Variants in JAM3 observed in about 807,000 individuals in gnomAD.
JAM3 encodes junctional adhesion molecule 3, also known as junctional adhesion molecule C.
Under a neutral mutation model 39.4 loss-of-function variants are expected in JAM3, and 31 were observed. The ratio of observed to expected loss-of-function variants is 0.79; its 90% confidence interval spans 0.59 to 1.06. The LOEUF (loss-of-function observed/expected upper bound fraction) is 1.06, where lower values mean the gene tolerates loss of function less well. Among genes scored for constraint, JAM3 ranks in the 50% least tolerant of loss-of-function variants. JAM3 has a pLI of 0.00. For missense variants in JAM3, 455 were observed against 391.4 expected, an observed-to-expected ratio of 1.16 and a Z score of -1.37; for synonymous variants, 182 against 148.7, an observed-to-expected ratio of 1.22 and a Z score of -1.63.
In JAM3 at chr11:134,149,627, A is replaced by G. The variant is rs1226413980; in HGVS notation, c.*446A>G. ...AGCGCATCCCGGCGGGAACCCAGAA[A>G]AGGCTTCTTACACAGCAGCCTTACT... On this transcript the variant is annotated 3_prime_UTR_variant, in exon 9 of 9. Transcript: ENST00000299106. 2 of 460,896 alleles carry G rather than the reference A, an allele frequency of 4.3e-6. No homozygotes were observed. The highest frequency in any genetic ancestry group is 1.4e-4 in the East Asian group (2 of 14,666). The allele number at this position is 460,896 out of a possible 1,614,324, so 28.6% of individuals were successfully genotyped here. A position where few individuals can be genotyped will look rare whatever the true frequency, so the allele number is the denominator to read the frequency against.
chr11:134,116,282 T>A (rs149720895), intron 1 of JAM3, among the ~76,000 whole-genome samples: 1 of 152,370 alleles, frequency 6.6e-6, no homozygotes, highest in African/African-American at 2.4e-5. Flanking sequence ...CATTAGTGGA[T>A]GTTCCCTATA....
chr11:134,111,584 C>A (rs965299034), intron 1 of JAM3, among the ~76,000 whole-genome samples: 1 of 152,122 alleles, frequency 6.6e-6, no homozygotes, highest in African/African-American at 2.4e-5. Context: ...CATGGTATGA[C>A]AAGAATCAGA....
intron 1 of JAM3, among the ~76,000 whole-genome samples, chr11:134,115,813 T>C (rs1188586872): frequency 6.6e-6 from 1 of 151,780 alleles, no homozygotes; most frequent in Non-Finnish European, 1.5e-5. Context: ...GGGAAGATGG[T>C]TTGAGTCCAG....
At chr11:134,093,776 G>A (rs1208492424) in intron 1 of JAM3, among the ~76,000 whole-genome samples, 2 of 86,406 alleles carry the variant, frequency 2.3e-5, no homozygotes, top group African/African-American at 4.8e-5. Flanking sequence ...CACTTCCTGA[G>A]GGAAGCTTCT....
In JAM3 at chr11:134,118,236, A is replaced by T. The variant is rs115122255; in HGVS notation, c.77-21615A>T. Among the ~76,000 whole-genome samples, 1,338 of 152,318 alleles carry T rather than the reference A, an allele frequency of 8.8e-3. 20 individuals are homozygous for T. Among genetic ancestry groups the T allele is most frequent in the African/African-American group, 0.03 (1,240 of 41,570 alleles). ...TAAGATGGGTCTCATGGCAACAGGC[A>T]GGAGGATTTTATGTGTTCATCTGTG... is the stretch of plus-strand genomic sequence containing the variant. On this transcript the variant is annotated intron_variant, in intron 1 of 8. Coordinates refer to ENST00000299106, the MANE Select transcript of JAM3 (RefSeq NM_032801.5).
At chr11:134,111,026 G>T (rs960891148) in intron 1 of JAM3, among the ~76,000 whole-genome samples, 3 of 150,994 alleles carry the variant, frequency 2.0e-5, no homozygotes, top group Non-Finnish European at 4.4e-5. Flanking sequence ...GAAGCTTAGG[G>T]TATAAGAATA....
Position 134,139,848 on chromosome 11 carries a change from C to T in JAM3, c.77-3C>T. 6.2e-7 allele frequency: 1 copy of T among 1,613,056 alleles called. No homozygotes were observed. The highest frequency in any genetic ancestry group is 8.5e-7 in the Non-Finnish European group (1 of 1,178,966). ...TCTGATTTTACTTTTCTTTCTCCTT[C>T]AGGCTGCCTGATAGGGGCTGTAAAT... On this transcript the variant is annotated splice_region_variant and splice_polypyrimidine_tract_variant and intron_variant, in intron 1 of 8. Coordinates refer to ENST00000299106, the MANE Select transcript of JAM3 (RefSeq NM_032801.5).
At chr11:134,099,688 C>T (rs528143680) in intron 1 of JAM3, among the ~76,000 whole-genome samples, 1 of 152,308 alleles carries the variant, frequency 6.6e-6, no homozygotes, top group South Asian at 2.1e-4. Flanking sequence ...GTCACTGCAA[C>T]CTCCACCTCT....
At position 134,149,351 on chromosome 11, in the gene JAM3, T is replaced by TA. The variant is rs1470796597; in HGVS notation, c.*170_*171insA. On this transcript the variant is annotated 3_prime_UTR_variant, in exon 9 of 9. Coordinates refer to ENST00000299106, the MANE Select transcript of JAM3 (RefSeq NM_032801.5). The stretch of plus-strand genomic sequence containing the variant: ...ACTCTTCTTACTCTAACAAGCCACA[T>TA]GAATAGAAGAATTTTCCTCAAGATG... 1 of 728,792 alleles carries TA rather than the reference T, an allele frequency of 1.4e-6. No individual in the cohort carries two copies. Among genetic ancestry groups the TA allele is most frequent in the African/African-American group, 1.8e-5 (1 of 57,094 alleles). The allele number at this position is 728,792 out of a possible 1,614,324, so 45.1% of individuals were successfully genotyped here.
chr11:134,141,138 G>A (rs1942966507), intron 3 of JAM3, among the ~76,000 whole-genome samples: 1 of 151,982 alleles, frequency 6.6e-6, no homozygotes, highest in Non-Finnish European at 1.5e-5. Context: ...TTTCAGCAAG[G>A]GCACAGCACA....
At chr11:134,086,198 T>G (rs987080589) in intron 1 of JAM3, among the ~76,000 whole-genome samples, 1 of 152,212 alleles carries the variant, frequency 6.6e-6, no homozygotes, top group African/African-American at 2.4e-5. Flanking sequence ...TATAAAATGT[T>G]ATTCTCTGCT....
chr11:134,132,451 A>T (rs1038776556), intron 1 of JAM3, among the ~76,000 whole-genome samples: 1 of 152,324 alleles, frequency 6.6e-6, no homozygotes, highest in South Asian at 2.1e-4. Context: ...GAAATGAAAG[A>T]ATACTTAGAC....
chr11:134,142,508 T>C (rs1173089483), intron 3 of JAM3, among the ~76,000 whole-genome samples: 1 of 152,244 alleles, frequency 6.6e-6, no homozygotes. Flanking sequence ...GGTTTAGCGA[T>C]GAGTAGTTGC....
At chr11:134,089,550 CAT>C (rs1941805594) in intron 1 of JAM3, among the ~76,000 whole-genome samples, 2 of 152,014 alleles carry the variant, frequency 1.3e-5, no homozygotes, top group South Asian at 2.1e-4. Context: ...TGAGTGAGAA[CAT>C]GTGGTGTTTG....
rs776634938 is a variant in JAM3, at chr11:134,146,054, C to CT, written c.712+15dup. On this transcript the variant is annotated intron_variant, in intron 6 of 8. Coordinates refer to ENST00000299106, the MANE Select transcript of JAM3 (RefSeq NM_032801.5). ...GCAGGAGATGGAAGTCTGTGAGTTT[C>CT]TTTTTTGAAGAGGTTTCATCGCAAG... 1.1e-5 allele frequency: 17 copies of CT among 1,594,786 alleles called. No homozygotes were observed. The highest frequency in any genetic ancestry group is 1.5e-5 in the Non-Finnish European group (17 of 1,162,410).
intron 1 of JAM3, among the ~76,000 whole-genome samples, chr11:134,113,975 G>A (rs1476920814): frequency 3.3e-5 from 5 of 152,104 alleles, no homozygotes; most frequent in East Asian, 1.9e-4. Context: ...GTGTCTTTTG[G>A]CTGCATAAAT....
At chr11:134,078,539 T>C (rs1413590371) in intron 1 of JAM3, among the ~76,000 whole-genome samples, 1 of 152,242 alleles carries the variant, frequency 6.6e-6, no homozygotes, top group East Asian at 1.9e-4. Context: ...CCGACTTCCT[T>C]GTGAGACATG....
At chr11:134,082,353 T>A (rs1289194817) in intron 1 of JAM3, among the ~76,000 whole-genome samples, 1 of 152,166 alleles carries the variant, frequency 6.6e-6, no homozygotes, top group Admixed American at 6.6e-5. Context: ...TATGATTGGT[T>A]TTGAAATGTG....
intron 1 of JAM3, among the ~76,000 whole-genome samples, chr11:134,105,069 A>G (rs1161779196): frequency 6.6e-6 from 1 of 152,204 alleles, no homozygotes; most frequent in Non-Finnish European, 1.5e-5. Flanking sequence ...ATTTTAGACC[A>G]ATATCCCTGA....
Sources: gnomAD v4.1 joint callset for allele counts (sites outside exome capture counted in the v4.1 genomes callset) on GRCh38, gnomAD v4.1.1 for gene constraint, MANE v1.5 for transcripts, NCBI Gene and HGNC (gene_info 2026-07-23, HGNC 2026-07-21) for gene names.